The following USP44 variants were observed in gnomAD, a reference collection of about 807,000 sequenced individuals.
USP44 encodes ubiquitin specific peptidase 44.
A neutral mutation model predicts 69.0 loss-of-function variants in USP44; 61 were observed. The ratio of observed to expected loss-of-function variants is 0.88; its 90% CI spans 0.72 to 1.09. The LOEUF is 1.09. Ranked by LOEUF, USP44 falls within the 50% of genes least tolerant of loss-of-function variation. The pLI, the probability that USP44 is intolerant of heterozygous loss-of-function variation, is 0.00. For missense variants in USP44, 753 were observed against 849.9 expected (o/e 0.89, Z 1.42); for synonymous variants, 297 against 295.4 (o/e 1.01, Z -0.06).
intron 2 of USP44, 29 bp from the exon 3 acceptor site, chr12:95,529,031 T>A: frequency 6.5e-7 from 1 of 1,546,204 alleles, no homozygotes; most frequent in African/African-American, 1.4e-5. Context: ...GTTCCTAAGA[T>A]TATAATCTTT....
chr12:95,539,244 G>C (rs1219648550), intron 1 of USP44, among the ~76,000 whole-genome samples: 2 of 63,984 alleles, frequency 3.1e-5, no homozygotes, highest in Admixed American at 1.9e-4. Flanking sequence ...TTTTTTTTTT[G>C]AGACGGAGTC....
chr12:95,536,447 G>A (rs1459667932), intron 1 of USP44, among the ~76,000 whole-genome samples: 1 of 152,054 alleles, frequency 6.6e-6, no homozygotes, highest in Non-Finnish European at 1.5e-5. Flanking sequence ...AGAACACCTA[G>A]GATTTGACAA....
chr12:95,521,966 C>T (rs1743560788), intron 4 of USP44: 5 of 835,508 alleles, frequency 6.0e-6, no homozygotes, highest in Admixed American at 6.2e-5. Context: ...TGTGTCCCCT[C>T]GCTGTGTGTA....
intron 3 of USP44, among the ~76,000 whole-genome samples, chr12:95,525,100 C>G (rs894911250): frequency 6.6e-6 from 1 of 152,190 alleles, no homozygotes; most frequent in Admixed American, 6.5e-5. Context: ...GAGACAGAAT[C>G]TCACTCTGTT....
Position 95,533,363 on chromosome 12 carries a change from T to C in USP44, c.894A>G (p.Arg298=), listed in dbSNP as rs2077087278. Residue 298 remains arginine, a synonymous_variant, in exon 2 of 6, where the codon CGA becomes CGG. Transcript: ENST00000258499. ...TCAGATCAAGCTTTAAAAAACATTG[T>C]CGAAAAATAAGTAAATGACTCAACA... ...LQVLSHLLIF[R]QCFLKLDLNQ... 1 of 1,613,296 alleles carries C rather than the reference T, an allele frequency of 6.2e-7. No individual in the cohort carries two copies.
At chr12:95,527,123 C>G (rs1267379702) in intron 3 of USP44, among the ~76,000 whole-genome samples, 1 of 144,680 alleles carries the variant, frequency 6.9e-6, no homozygotes, top group African/African-American at 2.5e-5. Context: ...GAGACAGAGT[C>G]TCGCACTGTT....
rs753140081 is a variant in USP44, at chr12:95,533,914, G to A, written c.343C>T (p.Arg115Cys). 6.2e-7 allele frequency: 1 copy of A among 1,614,116 alleles called. No homozygotes were observed. The highest frequency in any genetic ancestry group is 1.1e-5 in the South Asian group (1 of 91,084). ...IKSQNYHCTT[R>C]SGRFLRSMGT... is the part of the protein sequence containing the mutation. Reference sequence around the variant, plus strand: ...ATGGACCGTAAAAACCTCCCACTACGAGTTGTGCAGTGATAATTTTGACTT... The same window carrying A: ...ATGGACCGTAAAAACCTCCCACTACAAGTTGTGCAGTGATAATTTTGACTT... The change falls in exon 2 of 6, where the codon CGT becomes TGT. Residue 115 changes from arginine (R) to cysteine (C), a missense_variant. Physicochemically the swap from Arg to Cys is radical, Grantham distance 180 (BLOSUM62 -3). Coordinates refer to ENST00000258499, the MANE Select transcript of USP44 (RefSeq NM_032147.5).
At chr12:95,538,585 G>A (rs906735538) in intron 1 of USP44, among the ~76,000 whole-genome samples, 5 of 152,024 alleles carry the variant, frequency 3.3e-5, no homozygotes, top group Non-Finnish European at 7.4e-5. Context: ...AAAAATAGAC[G>A]TGAAACCAGA....
chr12:95,529,170 T>C (rs1236710696), intron 2 of USP44, among the ~76,000 whole-genome samples, 168 bp from the exon 3 acceptor site: 2 of 152,212 alleles, frequency 1.3e-5, no homozygotes, highest in African/African-American at 4.8e-5. Flanking sequence ...ATTATGATTT[T>C]TCCTTCCAAA....
Position 95,533,175 on chromosome 12 carries a change from G to C in USP44, c.1082C>G (p.Ser361Ter). The C allele has an allele frequency of 6.2e-7, 1 of 1,614,130 alleles. No individual in the cohort carries two copies. The highest frequency in any genetic ancestry group is 1.1e-5 in the South Asian group (1 of 91,080). Residue 361 changes from serine (S) to a stop codon, truncating the protein, a stop_gained, in exon 2 of 6, where the codon TCA becomes TGA. Transcript: ENST00000258499. LOFTEE classifies it high-confidence loss of function. ...SLSSGLSGGA[S>*]KGRKMELIQP... is the part of the protein sequence containing the mutation. The stretch of plus-strand genomic sequence containing the variant: ...AATAAGTTCCATCTTTCTACCTTTT[G>C]ATGCTCCACCACTTAGTCCTGATGA...
At position 95,534,006 on chromosome 12, in the gene USP44, T is replaced by C. The variant is rs141219097; in HGVS notation, c.251A>G (p.Asp84Gly). 1,243 of 1,614,184 alleles carry C rather than the reference T, an allele frequency of 7.7e-4. No individual in the cohort carries two copies. The highest frequency in any genetic ancestry group is 9.9e-4 in the Non-Finnish European group (1,166 of 1,180,034). Residue 84 changes from aspartate to glycine, a missense_variant, in exon 2 of 6, where the codon GAT becomes GGT. Coordinates refer to ENST00000258499, the MANE Select transcript of USP44 (RefSeq NM_032147.5). ...AGTTGTGTTATCATTCAGAACATAA[T>C]CATCACAAAGGTAACAAAAAACGTA... ...EMYVFCYLCD[D>G]YVLNDNTTGD...
Position 95,520,877 on chromosome 12 carries a change from A to C in USP44, c.1939+120T>G. 3 of 861,192 alleles carry C rather than the reference A, an allele frequency of 3.5e-6. No homozygotes were observed. In the South Asian group the frequency reaches 4.9e-5, roughly 14 times the overall value. The allele number at this position is 861,192 out of a possible 1,614,324, so 53.3% of individuals were successfully genotyped here. On this transcript the variant is annotated intron_variant, in intron 5 of 5. Coordinates refer to ENST00000258499, the MANE Select transcript of USP44 (RefSeq NM_032147.5). ...TAGTACCTGCAGAGGCATTCTCCCTAAGAAAATAAGTGGTCGAGTAGCTTT... is the reference window on the plus strand; with the variant it reads ...TAGTACCTGCAGAGGCATTCTCCCTCAGAAAATAAGTGGTCGAGTAGCTTT...
intron 3 of USP44, among the ~76,000 whole-genome samples, chr12:95,527,422 A>G (rs1005527242): frequency 2.0e-5 from 3 of 151,970 alleles, no homozygotes; most frequent in African/African-American, 7.3e-5. Context: ...ATGCCTTTGC[A>G]TCCTCATAGC....
At chr12:95,540,949 T>A (rs974287969) in intron 1 of USP44, among the ~76,000 whole-genome samples, 1 of 152,094 alleles carries the variant, frequency 6.6e-6, no homozygotes, top group Non-Finnish European at 1.5e-5. Context: ...GGAAAAAAAA[T>A]TCCCCCTGAT....
Position 95,518,047 on chromosome 12 carries a change from ATG to A in USP44, c.*105_*106del. On this transcript the variant is annotated 3_prime_UTR_variant, in exon 6 of 6. Transcript: ENST00000258499. ...AAATTGTTAGATATAAAATGTATAA[ATG>A]TAGTATACACTGATTCACAAGAAAA... The A allele has an allele frequency of 8.4e-7, 1 of 1,194,746 alleles. No homozygotes were observed. Among genetic ancestry groups the A allele is most frequent in the South Asian group, 1.6e-5 (1 of 63,934 alleles). The allele number at this position is 1,194,746 out of a possible 1,614,324, so 74.0% of individuals were successfully genotyped here. A position where few individuals can be genotyped will look rare whatever the true frequency, so the allele number is the denominator to read the frequency against.
At chr12:95,528,161 A>T (rs1171864596) in intron 3 of USP44, among the ~76,000 whole-genome samples, 1 of 152,140 alleles carries the variant, frequency 6.6e-6, no homozygotes, top group African/African-American at 2.4e-5. Context: ...CTTTTAACTG[A>T]AGTGGCTGTT....
chr12:95,528,652 A>C (rs981832029), intron 3 of USP44, among the ~76,000 whole-genome samples, 155 bp downstream of exon 3: 5 of 152,226 alleles, frequency 3.3e-5, no homozygotes, highest in Non-Finnish European at 7.3e-5. Flanking sequence ...CATAGTTCAT[A>C]AATGCCAATT....
intron 1 of USP44, among the ~76,000 whole-genome samples, chr12:95,541,851 T>C (rs10777702): frequency 0.3 from 45,123 of 149,960 alleles, 6,993 homozygotes; most frequent in Middle Eastern, 0.36. Context: ...AAAATCTTTT[T>C]AGTCAAAAAT....
chr12:95,528,919 T>C lies in USP44; in HGVS notation c.1512A>G (p.Gln504=), dbSNP rs1370903130. 3 of 1,614,102 alleles carry C rather than the reference T, an allele frequency of 1.9e-6. No individual in the cohort carries two copies. Among genetic ancestry groups the C allele is most frequent in the Non-Finnish European group, 2.5e-6 (3 of 1,180,014 alleles). The change falls in exon 3 of 6, where the codon CAA becomes CAG. Residue 504 remains glutamine (Q), a synonymous_variant. Coordinates refer to ENST00000258499, the MANE Select transcript of USP44 (RefSeq NM_032147.5). ...GGGAAGCAATATCTTTTCCACTGCATTGATACCTTTCTGGAAACTCCAATG... is the reference window on the plus strand; with the variant it reads ...GGGAAGCAATATCTTTTCCACTGCACTGATACCTTTCTGGAAACTCCAATG... ...DLSLEFPERY[Q]CSGKDIASQP...
Sources: allele counts gnomAD v4.1 joint callset (sites outside exome capture counted in the v4.1 genomes callset), GRCh38; gene constraint gnomAD v4.1.1; transcripts MANE v1.5; gene names NCBI Gene and HGNC (gene_info 2026-07-23, HGNC 2026-07-21).